Variants in KHDRBS1 observed in about 807,000 individuals in gnomAD.
The protein encoded by KHDRBS1 is KH RNA binding domain containing, signal transduction associated 1.
A neutral mutation model predicts 48.4 loss-of-function variants in KHDRBS1; 7 were observed. That is an observed-to-expected ratio of 0.14 (90% CI 0.08 to 0.27). The LOEUF (loss-of-function observed/expected upper bound fraction) is 0.27. Ranked by LOEUF, KHDRBS1 falls within the 10% of genes least tolerant of loss-of-function variation. KHDRBS1 has a pLI of 1.00. For missense variants in KHDRBS1, 458 were observed against 601.2 expected (o/e 0.76, Z 2.49); for synonymous variants, 241 against 235.8 (o/e 1.02, Z -0.20).
At chr1:32,017,257 C>CAA (rs1003013929) in intron 1 of KHDRBS1, among the ~76,000 whole-genome samples, 3 of 109,326 alleles carry the variant, frequency 2.7e-5, no homozygotes, top group East Asian at 2.6e-4. Context: ...GACTCCGTCT[C>CAA]AAAAAAAAAA....
At chr1:32,045,999 G>C (rs890186308), downstream of KHDRBS1, among the ~76,000 whole-genome samples, 4 of 152,066 alleles carry the variant, frequency 2.6e-5, no homozygotes, top group Non-Finnish European at 4.4e-5. Flanking sequence ...ATGGATGCTG[G>C]GCAGCCCAGA....
intron 10 of KHDRBS1, chr1:32,054,428 G>A (rs1639457186): frequency 6.6e-6 from 1 of 152,118 alleles, no homozygotes; most frequent in African/African-American, 2.4e-5. Flanking sequence ...CATCTCTCCT[G>A]TCTGGTACTT....
chr1:32,025,264 CA>C (rs780420929), intron 1 of KHDRBS1, among the ~76,000 whole-genome samples: 3,623 of 56,248 alleles, frequency 0.064, 121 homozygotes, highest in African/African-American at 0.17. Flanking sequence ...GACCCTATCT[CA>C]AAAAAAAAAA....
chr1:32,046,308 G>A (rs944554876), downstream of KHDRBS1, among the ~76,000 whole-genome samples: 1 of 151,990 alleles, frequency 6.6e-6, no homozygotes, highest in Non-Finnish European at 1.5e-5. Flanking sequence ...TCCGCCTCTG[G>A]GTTCAAGCAA....
intron 10 of KHDRBS1, among the ~76,000 whole-genome samples, chr1:32,055,756 T>G (rs1639473483): frequency 6.6e-6 from 1 of 152,116 alleles, no homozygotes; most frequent in South Asian, 2.1e-4. Flanking sequence ...CCTAGTCCTA[T>G]TGTAGCCTGA....
chr1:32,025,324 A>G (rs1448302504), intron 1 of KHDRBS1, among the ~76,000 whole-genome samples: 3 of 118,716 alleles, frequency 2.5e-5, no homozygotes, highest in African/African-American at 7.0e-5. Context: ...TTTTTGAGAC[A>G]GAGTCTCGCT....
At chr1:32,015,827 CCCA>C (rs1569754847) in intron 1 of KHDRBS1, among the ~76,000 whole-genome samples, 1 of 152,150 alleles carries the variant, frequency 6.6e-6, no homozygotes, top group East Asian at 1.9e-4. Flanking sequence ...GAAGTCACAA[CCCA>C]TTGTGCGGAA....
Position 32,042,793 on chromosome 1 carries a change from G to T in KHDRBS1, c.*169G>T. The stretch of plus-strand genomic sequence containing the variant: ...TATTCCATTCTTAACTCTGCATTCT[G>T]GCTTCTGTATGTAGTATTTTAAAAT... On this transcript the variant is annotated 3_prime_UTR_variant, in exon 9 of 9. Coordinates refer to ENST00000327300, the MANE Select transcript of KHDRBS1 (RefSeq NM_006559.3). 1 of 524,178 alleles carries T rather than the reference G, an allele frequency of 1.9e-6. No individual in the cohort carries two copies. Among genetic ancestry groups the T allele is most frequent in the Non-Finnish European group, 3.4e-6 (1 of 290,842 alleles). 32.5% of individuals were successfully genotyped at this position (524,178 alleles called of 1,614,324 possible).
chr1:32,022,036 C>T (rs1638868273), intron 1 of KHDRBS1, among the ~76,000 whole-genome samples: 1 of 149,352 alleles, frequency 6.7e-6, no homozygotes, highest in Non-Finnish European at 1.5e-5. Flanking sequence ...GGCATGATCT[C>T]GGCTCACTAC....
At chr1:32,038,156 G>T (rs1639220549) in intron 6 of KHDRBS1, 120 bp downstream of exon 6, 1 of 1,459,234 alleles carries the variant, frequency 6.9e-7, no homozygotes, top group African/African-American at 1.4e-5. Context: ...TTTGCAATCT[G>T]CCCTCTTCTC....
rs188647334 is a variant in KHDRBS1 at position 32,051,060 on chromosome 1, G to T, written n.1301+5670G>T. ...TTACAGGCGCCCACCACCATGCCCA[G>T]CTAATTTTTGTATTTTTAGTAGAGA... On this transcript the variant is annotated intron_variant and non_coding_transcript_variant, in intron 10 of 10. Transcript: ENST00000484270. Among the ~76,000 whole-genome samples the T allele has an allele frequency of 1.7e-3, 256 of 151,982 alleles. 1 individual carries two copies. The highest frequency in any genetic ancestry group is 6.0e-3 in the African/African-American group (248 of 41,458).
chr1:32,021,950 G>A lies in KHDRBS1; in HGVS notation c.382+7573G>A, dbSNP rs1357280694. On this transcript the variant is annotated intron_variant, in intron 1 of 8. Coordinates refer to ENST00000327300, the MANE Select transcript of KHDRBS1 (RefSeq NM_006559.3). Reference sequence around the variant, plus strand: ...ATAGGCGTGAGGCACCACACCCAGCGGCACATTTCTTTTTTTTTTTTTTTT... The same window carrying A: ...ATAGGCGTGAGGCACCACACCCAGCAGCACATTTCTTTTTTTTTTTTTTTT... 3.3e-5 allele frequency among the ~76,000 whole-genome samples: 5 copies of A among 149,440 alleles called. No individual in the cohort carries two copies. In the East Asian group the frequency reaches 6.0e-4, roughly 18 times the overall value.
chr1:32,038,863 C>T (rs1017439781), intron 7 of KHDRBS1, among the ~76,000 whole-genome samples: 3 of 152,164 alleles, frequency 2.0e-5, no homozygotes, highest in East Asian at 3.8e-4. Context: ...CTTTCCTCTG[C>T]GTTTGACATC....
At chr1:32,046,304 T>C (rs911734059), downstream of KHDRBS1, among the ~76,000 whole-genome samples, 7 of 151,942 alleles carry the variant, frequency 4.6e-5, no homozygotes, top group Admixed American at 3.9e-4. Flanking sequence ...AACCTCCGCC[T>C]CTGGGTTCAA....
chr1:32,032,269 A>G (rs1639095996), intron 3 of KHDRBS1, among the ~76,000 whole-genome samples: 1 of 152,216 alleles, frequency 6.6e-6, no homozygotes. Context: ...ATTTGATGAG[A>G]TATTCCTGCT....
At chr1:32,039,289 CTT>C (rs1179538076) in intron 7 of KHDRBS1, among the ~76,000 whole-genome samples, 1 of 152,032 alleles carries the variant, frequency 6.6e-6, no homozygotes, top group Non-Finnish European at 1.5e-5. Context: ...TGCTTTTTCA[CTT>C]TATATTCTGT....
rs144989880 is a variant in KHDRBS1, at chr1:32,037,390, G to C, written c.905+347G>C. On this transcript the variant is annotated intron_variant, in intron 5 of 8. Coordinates refer to ENST00000327300, the MANE Select transcript of KHDRBS1 (RefSeq NM_006559.3). ...ACCCAGGAGACGGAAGTTGCAGTGA[G>C]CCGAGATCATGCCACTGCACTTCAG... Among the ~76,000 whole-genome samples the C allele has an allele frequency of 6.8e-3, 1,026 of 151,400 alleles. 16 individuals carry two copies. Among genetic ancestry groups the C allele is most frequent in the African/African-American group, 0.024 (984 of 41,160 alleles).
chr1:32,018,256 C>T (rs1329974467), intron 1 of KHDRBS1, among the ~76,000 whole-genome samples: 2 of 151,036 alleles, frequency 1.3e-5, no homozygotes, highest in Non-Finnish European at 3.0e-5. Flanking sequence ...GTCAGGAGTT[C>T]GAGACCAGCC....
intron 1 of KHDRBS1, among the ~76,000 whole-genome samples, chr1:32,028,706 C>T (rs1356850950): frequency 6.6e-6 from 1 of 151,172 alleles, no homozygotes; most frequent in African/African-American, 2.4e-5. Context: ...GGGGTTTCAC[C>T]GTGTTAGCCA....
Sources: allele counts gnomAD v4.1 joint callset (sites outside exome capture counted in the v4.1 genomes callset), GRCh38; gene constraint gnomAD v4.1.1; transcripts MANE v1.5; gene names NCBI Gene and HGNC (gene_info 2026-07-23, HGNC 2026-07-21).